ARB2A: variants seen among roughly 807,000 people sequenced by gnomAD.
ARB2A encodes the protein ARB2 cotranscriptional regulator A.
the ARB2A span, among the ~76,000 whole-genome samples, chr5:93,848,603 T>C: frequency 4.6e-5 from 7 of 152,268 alleles, no homozygotes; most frequent in Admixed American, 1.3e-4. Flanking sequence ...ACCATTGCAA[T>C]CACTTCATAT....
At chr5:93,760,260 C>T in the ARB2A span, among the ~76,000 whole-genome samples, 1 of 152,110 alleles carries the variant, frequency 6.6e-6, no homozygotes, top group African/African-American at 2.4e-5. Flanking sequence ...GTGACAGAAA[C>T]CAATGAAAAC....
At chr5:93,929,605 T>C in the ARB2A span, among the ~76,000 whole-genome samples, 1 of 152,180 alleles carries the variant, frequency 6.6e-6, no homozygotes, top group African/African-American at 2.4e-5. Context: ...AAATTTCATT[T>C]TTCTTACAAC....
At chr5:93,860,680 A>C in the ARB2A span, 1 of 144,884 alleles carries the variant, frequency 6.9e-6, no homozygotes, top group African/African-American at 2.5e-5. Context: ...TTTGAGACAG[A>C]GTCTCTCTCT....
chr5:93,797,756 C>T, the ARB2A span, among the ~76,000 whole-genome samples: 4 of 152,076 alleles, frequency 2.6e-5, no homozygotes, highest in Admixed American at 6.6e-5. Context: ...GAATTACACA[C>T]AGGTTTTATC....
the ARB2A span, chr5:94,074,603 A>G: frequency 6.9e-7 from 1 of 1,452,872 alleles, no homozygotes; most frequent in Non-Finnish European, 9.5e-7. Context: ...CACCTTTATT[A>G]GGCACAATGA....
chr5:93,676,484 C>T, the ARB2A span, among the ~76,000 whole-genome samples: 1 of 152,260 alleles, frequency 6.6e-6, no homozygotes, highest in Middle Eastern at 3.4e-3. Context: ...TGTCAGAAAA[C>T]AAAACTGTTT....
the ARB2A span, among the ~76,000 whole-genome samples, chr5:93,768,713 G>A: frequency 4.0e-5 from 6 of 151,866 alleles, no homozygotes; most frequent in Non-Finnish European, 5.9e-5. Context: ...CCCAAGTAGC[G>A]AGGACTACAG....
chr5:94,097,082 G>A, the ARB2A span, among the ~76,000 whole-genome samples: 3 of 152,284 alleles, frequency 2.0e-5, no homozygotes, highest in African/African-American at 7.2e-5. Context: ...AACGGCTACA[G>A]TGGAGCACAG....
the ARB2A span, among the ~76,000 whole-genome samples, chr5:94,037,651 G>A: frequency 2.6e-5 from 4 of 152,092 alleles, no homozygotes; most frequent in Non-Finnish European, 5.9e-5. Flanking sequence ...TCATACAGAC[G>A]TGACTGAGCC....
At chr5:93,651,218 C>T in the ARB2A span, among the ~76,000 whole-genome samples, 136 of 152,170 alleles carry the variant, frequency 8.9e-4, 1 homozygote, top group African/African-American at 3.1e-3. Context: ...TCAACACAGC[C>T]TTGGACTCCT....
At chr5:93,717,230 C>T in the ARB2A span, among the ~76,000 whole-genome samples, 16 of 152,106 alleles carry the variant, frequency 1.1e-4, no homozygotes, top group African/African-American at 3.6e-4. Context: ...CTAGATTTTA[C>T]ATCGTCTTTT....
the ARB2A span, among the ~76,000 whole-genome samples, chr5:94,011,231 C>G: frequency 4.9e-3 from 742 of 152,268 alleles, 6 homozygotes; most frequent in African/African-American, 0.017. Context: ...CTCATCTCCT[C>G]TTCTTAATGA....
the ARB2A span, among the ~76,000 whole-genome samples, chr5:94,082,354 C>G: frequency 6.6e-6 from 1 of 152,078 alleles, no homozygotes; most frequent in Admixed American, 6.6e-5. Flanking sequence ...TTATTTTGAT[C>G]ATTATCATAA....
At chr5:94,016,361 G>A in the ARB2A span, among the ~76,000 whole-genome samples, 1 of 152,186 alleles carries the variant, frequency 6.6e-6, no homozygotes, top group Non-Finnish European at 1.5e-5. Context: ...GTATCTTTGG[G>A]TTTGAATACT....
At chr5:93,850,150 C>A in the ARB2A span, among the ~76,000 whole-genome samples, 1 of 152,062 alleles carries the variant, frequency 6.6e-6, no homozygotes, top group African/African-American at 2.4e-5. Flanking sequence ...ATATAAGTAA[C>A]CACATACATA....
At chr5:93,715,750 C>T in the ARB2A span, among the ~76,000 whole-genome samples, 2 of 150,764 alleles carry the variant, frequency 1.3e-5, no homozygotes, top group African/African-American at 2.4e-5. Flanking sequence ...CTAAGATGTC[C>T]ACTTCTTTAA....
chr5:94,088,484 C>A, the ARB2A span, among the ~76,000 whole-genome samples: 6 of 152,174 alleles, frequency 3.9e-5, no homozygotes, highest in Non-Finnish European at 8.8e-5. Flanking sequence ...AGTTCAAGAC[C>A]AGCCCTGGCA....
At chr5:93,746,844 G>A in the ARB2A span, among the ~76,000 whole-genome samples, 3 of 152,208 alleles carry the variant, frequency 2.0e-5, no homozygotes, top group Admixed American at 2.0e-4. Context: ...GTGGGGCTGA[G>A]TTGAAAGGCA....
At chr5:93,787,942 G>A in the ARB2A span, among the ~76,000 whole-genome samples, 21 of 152,158 alleles carry the variant, frequency 1.4e-4, 1 homozygote, top group Admixed American at 1.2e-3. Context: ...TCATATTGAT[G>A]ATTTCAGCAT....
Sources: allele counts gnomAD v4.1 joint callset (sites outside exome capture counted in the v4.1 genomes callset), GRCh38; gene constraint gnomAD v4.1.1; transcripts MANE v1.5; gene names NCBI Gene and HGNC (gene_info 2026-07-23, HGNC 2026-07-21).